HSDL2: variants seen among roughly 807,000 people sequenced by gnomAD.
HSDL2 encodes the protein hydroxysteroid dehydrogenase like 2.
In HSDL2, 27 loss-of-function variants were observed where a neutral mutation model predicts 46.3. The ratio of observed to expected loss-of-function variants is 0.58; its 90% CI spans 0.43 to 0.80. The LOEUF (loss-of-function observed/expected upper bound fraction) is 0.80, where lower values mean the gene tolerates loss of function less well. Ranked by LOEUF, HSDL2 falls within the 30% of genes least tolerant of loss-of-function variation. The probability of loss-of-function intolerance (pLI) is 0.00; values close to 1 mark genes in which losing one functional copy is unlikely to be tolerated. For missense variants in HSDL2, 451 were observed against 502.7 expected (o/e 0.90, Z 0.98); for synonymous variants, 153 against 163.6 (o/e 0.94, Z 0.50).
intron 10 of HSDL2, among the ~76,000 whole-genome samples, chr9:112,464,832 C>T (rs772313302): frequency 2.0e-4 from 31 of 152,156 alleles, no homozygotes; most frequent in Non-Finnish European, 4.3e-4. Flanking sequence ...CTCTATATCC[C>T]CACCTCTACC....
chr9:112,438,070 G>A (rs1441830845), intron 6 of HSDL2, among the ~76,000 whole-genome samples: 3 of 152,052 alleles, frequency 2.0e-5, no homozygotes, highest in Admixed American at 6.6e-5. Flanking sequence ...GTGAAACCCC[G>A]TTTCTATTAA....
intron 4 of HSDL2, among the ~76,000 whole-genome samples, chr9:112,409,366 T>C (rs1462790389): frequency 6.6e-6 from 1 of 152,090 alleles, no homozygotes; most frequent in Non-Finnish European, 1.5e-5. Context: ...ATTTTTTGTA[T>C]TTTTAGTAGA....
intron 1 of HSDL2, among the ~76,000 whole-genome samples, chr9:112,389,871 C>G (rs1231651300): frequency 6.6e-6 from 1 of 152,096 alleles, no homozygotes; most frequent in Non-Finnish European, 1.5e-5. Flanking sequence ...TCCAGACCAG[C>G]CTAGCCAACA....
chr9:112,418,967 T>A lies in HSDL2; in HGVS notation c.598+9T>A, dbSNP rs1306717921. The A allele has an allele frequency of 2.1e-6, 3 of 1,410,542 alleles. No individual in the cohort carries two copies. The highest frequency in any genetic ancestry group is 3.0e-6 in the Non-Finnish European group (3 of 1,002,734). The allele number at this position is 1,410,542 out of a possible 1,614,324, so 87.4% of individuals were successfully genotyped here. ...ATTATGGCCTAAAACAGGTATGTAT[T>A]TTTAAAAACTTCATTTGTTAGATTT... On this transcript the variant is annotated intron_variant, in intron 6 of 10. Coordinates refer to ENST00000398805, the MANE Select transcript of HSDL2 (RefSeq NM_032303.5).
At chr9:112,451,207 T>G (rs1010974265) in intron 8 of HSDL2, among the ~76,000 whole-genome samples, 5 of 152,060 alleles carry the variant, frequency 3.3e-5, no homozygotes, top group African/African-American at 1.2e-4. Context: ...AAAAAATAGA[T>G]AAATATTGGA....
chr9:112,438,454 A>C lies in HSDL2; in HGVS notation c.622A>C (p.Met208Leu), dbSNP rs1420312571. Residue 208 changes from methionine (M) to leucine (L), a missense_variant, in exon 7 of 11, where the codon ATG (methionine) becomes CTG (leucine). Physicochemically the swap from Met to Leu is conservative, Grantham distance 15. Coordinates refer to ENST00000398805, the MANE Select transcript of HSDL2 (RefSeq NM_032303.5). The part of the protein sequence containing the change: ...KTAIHTAAMD[M>L]LGGPGIESQC... ...AGCCATACACACTGCTGCTATGGAT[A>C]TGCTGGGAGGACCTGGTATCGAAAG... 7 of 1,606,558 alleles carry C rather than the reference A, an allele frequency of 4.4e-6. No individual in the cohort carries two copies. In the South Asian group the frequency reaches 4.5e-5, roughly 10 times the overall value.
intron 10 of HSDL2, among the ~76,000 whole-genome samples, chr9:112,465,014 A>C (rs1273161192): frequency 2.0e-5 from 3 of 152,164 alleles, no homozygotes; most frequent in Non-Finnish European, 4.4e-5. Flanking sequence ...ATCTTTTGTG[A>C]CTGGCTTCTT....
At chr9:112,380,773 A>G (rs985636906) in intron 1 of HSDL2, among the ~76,000 whole-genome samples, 3 of 152,090 alleles carry the variant, frequency 2.0e-5, no homozygotes, top group Non-Finnish European at 1.5e-5. Flanking sequence ...ATCGTTGTGC[A>G]GTCAATCTCC....
chr9:112,436,218 G>T (rs1832520788), intron 6 of HSDL2, among the ~76,000 whole-genome samples: 3 of 142,258 alleles, frequency 2.1e-5, no homozygotes, highest in Admixed American at 1.5e-4. Flanking sequence ...CCTTTGGCCT[G>T]GGTGACAGTG....
At chr9:112,440,393 G>T (rs1832615151) in intron 7 of HSDL2, among the ~76,000 whole-genome samples, 1 of 149,630 alleles carries the variant, frequency 6.7e-6, no homozygotes, top group Non-Finnish European at 1.5e-5. Context: ...AAAACAGCAA[G>T]ACCCCATGTC....
chr9:112,388,970 T>C (rs1831278893), intron 1 of HSDL2, among the ~76,000 whole-genome samples: 1 of 151,976 alleles, frequency 6.6e-6, no homozygotes, highest in Admixed American at 6.6e-5. Context: ...ATTGACAAAA[T>C]TAAAATACTG....
At chr9:112,449,152 T>A (rs1832819822) in intron 8 of HSDL2, among the ~76,000 whole-genome samples, 1 of 150,698 alleles carries the variant, frequency 6.6e-6, no homozygotes, top group South Asian at 2.1e-4. Flanking sequence ...AGTGGCACGA[T>A]CTCGGCTCAC....
At position 112,471,297 on chromosome 9, in the gene HSDL2, C is replaced by T. The variant is rs891240043; in HGVS notation, c.*753C>T. 4.6e-5 allele frequency: 7 copies of T among 152,128 alleles called. No individual in the cohort carries two copies. Among genetic ancestry groups the T allele is most frequent in the Non-Finnish European group, 1.0e-4 (7 of 68,046 alleles). 9.4% of individuals were successfully genotyped at this position (152,128 alleles called of 1,614,324 possible). On this transcript the variant is annotated 3_prime_UTR_variant, in exon 11 of 11. Transcript: ENST00000398805. ...TATCCCCCAATTCATTTGTTGAGGTCCTAACTCCCATTTCTTTTGAATGTG... is the reference window on the plus strand; with the variant it reads ...TATCCCCCAATTCATTTGTTGAGGTTCTAACTCCCATTTCTTTTGAATGTG...
At chr9:112,412,805 C>T (rs1831906161) in intron 4 of HSDL2, among the ~76,000 whole-genome samples, 1 of 151,980 alleles carries the variant, frequency 6.6e-6, no homozygotes, top group Non-Finnish European at 1.5e-5. Flanking sequence ...TGTGAAGGTG[C>T]AATTAAAAAC....
At chr9:112,400,080 G>A (rs189008419) in intron 1 of HSDL2, among the ~76,000 whole-genome samples, 67 of 152,274 alleles carry the variant, frequency 4.4e-4, no homozygotes, top group Middle Eastern at 3.4e-3. Flanking sequence ...TGGTCCCTCC[G>A]TTCGGGGTCC....
intron 6 of HSDL2, among the ~76,000 whole-genome samples, chr9:112,437,046 G>C (rs924550560): frequency 2.2e-5 from 3 of 137,230 alleles, no homozygotes; most frequent in Admixed American, 8.2e-5. Flanking sequence ...TGCAACCTCT[G>C]CCTCCCAGGT....
At chr9:112,380,216 T>C in intron 1 of HSDL2, 36 bp downstream of exon 1, 6 of 1,532,776 alleles carry the variant, frequency 3.9e-6, no homozygotes, top group Non-Finnish European at 5.3e-6. Context: ...AGAGACCCTG[T>C]CGGGCGAAGG....
chr9:112,404,717 A>G (rs564189236), intron 2 of HSDL2, among the ~76,000 whole-genome samples: 2 of 152,170 alleles, frequency 1.3e-5, no homozygotes, highest in Non-Finnish European at 2.9e-5. Context: ...TAGTTGACAA[A>G]TAATTATCAC....
intron 3 of HSDL2, among the ~76,000 whole-genome samples, chr9:112,408,122 C>T (rs1425390986): frequency 6.6e-6 from 1 of 152,118 alleles, no homozygotes; most frequent in Non-Finnish European, 1.5e-5. Flanking sequence ...TTTCCCAGTT[C>T]TCAAGACCAG....
Sources: gnomAD v4.1 joint callset for allele counts (sites outside exome capture counted in the v4.1 genomes callset) on GRCh38, gnomAD v4.1.1 for gene constraint, MANE v1.5 for transcripts, NCBI Gene and HGNC (gene_info 2026-07-23, HGNC 2026-07-21) for gene names.